SUGCT: variants seen among roughly 807,000 people sequenced by gnomAD.
The protein encoded by SUGCT is succinyl-CoA:glutarate-CoA transferase, also known as succinyl-CoA:glutarate CoA-transferase.
In SUGCT, 41 loss-of-function variants were observed where a neutral mutation model predicts 55.0. The observed-to-expected ratio is 0.74, with a 90% CI of 0.58 to 0.97. SUGCT has a LOEUF of 0.97. Among genes scored for constraint, SUGCT ranks in the 50% least tolerant of loss-of-function variants. SUGCT has a pLI of 0.00. For missense variants in SUGCT, 568 were observed against 547.8 expected, an observed-to-expected ratio of 1.04 and a Z score of -0.37; for synonymous variants, 187 against 200.4, an observed-to-expected ratio of 0.93 and a Z score of 0.56.
intron 12 of SUGCT, among the ~76,000 whole-genome samples, chr7:40,661,983 C>T (rs1419719280): frequency 6.6e-6 from 1 of 152,196 alleles, no homozygotes; most frequent in Admixed American, 6.5e-5. Flanking sequence ...TTAAATCTAA[C>T]TGCCAAACTG....
chr7:40,545,648 T>G (rs964209510), intron 12 of SUGCT, among the ~76,000 whole-genome samples: 1 of 152,196 alleles, frequency 6.6e-6, no homozygotes, highest in Middle Eastern at 3.2e-3. Flanking sequence ...AAGTAAGAGT[T>G]GGTTTGTGTG....
chr7:41,024,384 G>A, the SUGCT span, among the ~76,000 whole-genome samples: 2 of 151,802 alleles, frequency 1.3e-5, no homozygotes, highest in Non-Finnish European at 2.9e-5. Context: ...TATAACAAAA[G>A]GCAATCCAAA....
chr7:40,482,108 T>G (rs1445518451), intron 11 of SUGCT, among the ~76,000 whole-genome samples: 2 of 152,186 alleles, frequency 1.3e-5, no homozygotes, highest in African/African-American at 4.8e-5. Flanking sequence ...TGGATTGTAG[T>G]GAAATAAGAT....
chr7:40,631,245 G>T (rs143412432), intron 12 of SUGCT, among the ~76,000 whole-genome samples: 1 of 151,946 alleles, frequency 6.6e-6, no homozygotes. Flanking sequence ...CATTATTTAC[G>T]TGTAACAAGA....
the SUGCT span, among the ~76,000 whole-genome samples, chr7:41,015,129 G>GT: frequency 6.6e-6 from 1 of 152,156 alleles, no homozygotes; most frequent in Non-Finnish European, 1.5e-5. Flanking sequence ...TGGTCCAGTG[G>GT]TCATAGGAAG....
At chr7:40,902,581 A>AAG in the SUGCT span, among the ~76,000 whole-genome samples, 1 of 150,582 alleles carries the variant, frequency 6.6e-6, no homozygotes, top group Non-Finnish European at 1.5e-5. Flanking sequence ...CTCCATCTCA[A>AAG]AAAAAAAAAA....
chr7:40,215,659 G>A (rs1488843644), intron 6 of SUGCT, among the ~76,000 whole-genome samples: 1 of 151,802 alleles, frequency 6.6e-6, no homozygotes, highest in Non-Finnish European at 1.5e-5. Flanking sequence ...TCAGGAGATC[G>A]AAACCATCCT....
the SUGCT span, among the ~76,000 whole-genome samples, chr7:40,930,437 G>GT: frequency 6.6e-6 from 1 of 152,134 alleles, no homozygotes. Flanking sequence ...CTTTAAAGTA[G>GT]TTTTTTCCAA....
intron 9 of SUGCT, among the ~76,000 whole-genome samples, chr7:40,332,038 A>C (rs1262807524): frequency 6.6e-6 from 1 of 152,206 alleles, no homozygotes; most frequent in Non-Finnish European, 1.5e-5. Context: ...TTGCCACATA[A>C]ATTCCAGATT....
chr7:40,901,737 A>G, the SUGCT span, among the ~76,000 whole-genome samples: 4 of 152,332 alleles, frequency 2.6e-5, no homozygotes, highest in South Asian at 8.3e-4. Context: ...GGAAGTGCCA[A>G]ATACATTTGG....
intron 7 of SUGCT, among the ~76,000 whole-genome samples, chr7:40,266,158 T>C (rs979840827): frequency 2.0e-5 from 3 of 150,652 alleles, no homozygotes; most frequent in Non-Finnish European, 2.9e-5. Flanking sequence ...TAGTTTTTTT[T>C]CTTTTTCTTT....
At chr7:40,834,381 G>T (rs1228635769) in intron 13 of SUGCT, among the ~76,000 whole-genome samples, 2 of 152,154 alleles carry the variant, frequency 1.3e-5, no homozygotes, top group Non-Finnish European at 2.9e-5. Context: ...TAAAATCAGG[G>T]TTAATGATTT....
chr7:40,571,065 C>T (rs1796426337), intron 12 of SUGCT, among the ~76,000 whole-genome samples: 1 of 151,808 alleles, frequency 6.6e-6, no homozygotes, highest in Non-Finnish European at 1.5e-5. Flanking sequence ...CTTTCTGGGC[C>T]TCAGTTTCCT....
chr7:40,145,484 G>A, intron 1 of SUGCT, among the ~76,000 whole-genome samples: 1 of 147,946 alleles, frequency 6.8e-6, no homozygotes. Flanking sequence ...TATAACATTC[G>A]TTTTTACATA....
At chr7:40,809,570 C>G (rs1791296644) in intron 13 of SUGCT, among the ~76,000 whole-genome samples, 1 of 152,104 alleles carries the variant, frequency 6.6e-6, no homozygotes, top group Non-Finnish European at 1.5e-5. Flanking sequence ...GTTCCTCAAG[C>G]TCTTTCACAA....
intron 8 of SUGCT, among the ~76,000 whole-genome samples, chr7:40,289,614 C>T (rs939854904): frequency 2.0e-5 from 3 of 151,898 alleles, no homozygotes; most frequent in Non-Finnish European, 2.9e-5. Context: ...ATGCCCTCTC[C>T]CACCACTCCT....
At chr7:40,556,083 A>G (rs750608411) in intron 12 of SUGCT, among the ~76,000 whole-genome samples, 5 of 152,126 alleles carry the variant, frequency 3.3e-5, no homozygotes, top group Non-Finnish European at 7.3e-5. Flanking sequence ...AATGCTTGGT[A>G]CAGTGCCTTA....
chr7:40,504,230 CCTT>C (rs1027678726), intron 12 of SUGCT, among the ~76,000 whole-genome samples: 4 of 151,536 alleles, frequency 2.6e-5, no homozygotes, highest in Admixed American at 6.6e-5. Flanking sequence ...GGAGAATAGA[CCTT>C]CTTCTTTTTT....
intron 7 of SUGCT, among the ~76,000 whole-genome samples, chr7:40,240,113 G>T (rs921325416): frequency 1.3e-5 from 2 of 152,134 alleles, no homozygotes. Context: ...AAATAACAGT[G>T]TGCCTCAGGC....
Sources: allele counts gnomAD v4.1 joint callset (sites outside exome capture counted in the v4.1 genomes callset), GRCh38; gene constraint gnomAD v4.1.1; transcripts MANE v1.5; gene names NCBI Gene and HGNC (gene_info 2026-07-23, HGNC 2026-07-21).